RAB20: variants seen among roughly 807,000 people sequenced by gnomAD.
RAB20 encodes RAB20, member RAS oncogene family.
Under a neutral mutation model 3.7 loss-of-function variants are expected in RAB20, and 2 were observed. That is an observed-to-expected ratio of 0.54 (90% CI 0.22 to 1.69). The LOEUF is 1.69. Among genes scored for constraint, RAB20 ranks in the 40% most tolerant of loss-of-function variants. The probability of loss-of-function intolerance (pLI) is 0.19; values close to 1 mark genes in which losing one functional copy is unlikely to be tolerated. For missense variants in RAB20, 276 were observed against 311.9 expected (o/e 0.88, Z 0.87); for synonymous variants, 126 against 130.8 (o/e 0.96, Z 0.25).
At chr13:110,541,816 C>CCCCACACA (rs1555335858) in intron 1 of RAB20, among the ~76,000 whole-genome samples, 4 of 149,420 alleles carry the variant, frequency 2.7e-5, no homozygotes, top group Non-Finnish European at 5.9e-5. Context: ...GAGTGTCCAG[C>CCCCACACA]CACACACACA....
intron 1 of RAB20, among the ~76,000 whole-genome samples, chr13:110,533,023 C>T (rs1036993889): frequency 6.6e-6 from 1 of 151,988 alleles, no homozygotes; most frequent in African/African-American, 2.4e-5. Context: ...CTTGCCAGAT[C>T]GGACAGCCCC....
At chr13:110,538,238 C>CA (rs570075617) in intron 1 of RAB20, among the ~76,000 whole-genome samples, 2,314 of 78,230 alleles carry the variant, frequency 0.03, 37 homozygotes, top group Middle Eastern at 0.051. Context: ...GACCTTGTCT[C>CA]AAAAAAAAAA....
At position 110,561,697 on chromosome 13, in the gene RAB20, G is replaced by A. The variant is rs971320923; in HGVS notation, c.-178C>T. ...CTCAAGAGAGGAAGCGCGTGTGCGC[G>A]CCCGGGAAGGAGCTGGGTGCAGAGC... On this transcript the variant is annotated 5_prime_UTR_variant, in exon 1 of 2. Transcript: ENST00000267328. 8.6e-7 allele frequency: 1 copy of A among 1,156,918 alleles called. No homozygotes were observed. Among genetic ancestry groups the A allele is most frequent in the African/African-American group, 1.6e-5 (1 of 61,578 alleles). 71.7% of individuals were successfully genotyped at this position (1,156,918 alleles called of 1,614,324 possible). A position where few individuals can be genotyped will look rare whatever the true frequency, so the allele number is the denominator to read the frequency against.
chr13:110,531,358 C>T (rs907654383), intron 1 of RAB20, among the ~76,000 whole-genome samples: 5 of 152,222 alleles, frequency 3.3e-5, no homozygotes, highest in African/African-American at 1.2e-4. Flanking sequence ...CAGCCACCTT[C>T]CCAGGAGCTC....
At chr13:110,558,660 G>C (rs1259937246) in intron 1 of RAB20, among the ~76,000 whole-genome samples, 1 of 149,788 alleles carries the variant, frequency 6.7e-6, no homozygotes, top group African/African-American at 2.5e-5. Context: ...GGGATTACAG[G>C]CATGAGCCAC....
intron 1 of RAB20, among the ~76,000 whole-genome samples, chr13:110,526,275 C>A (rs901915726): frequency 6.6e-6 from 1 of 152,242 alleles, no homozygotes; most frequent in Non-Finnish European, 1.5e-5. Flanking sequence ...GGGGCACTGG[C>A]GCAGAGAGAG....
intron 1 of RAB20, among the ~76,000 whole-genome samples, chr13:110,545,391 T>G (rs1884834468): frequency 6.6e-6 from 1 of 152,218 alleles, no homozygotes; most frequent in Non-Finnish European, 1.5e-5. Context: ...GTGCCCATCC[T>G]AGCACCCCCT....
intron 1 of RAB20, among the ~76,000 whole-genome samples, chr13:110,530,241 G>A (rs1472471629): frequency 1.0e-3 from 47 of 47,130 alleles, no homozygotes; most frequent in African/African-American, 4.0e-3. Context: ...CGCAGACACA[G>A]GGCCCCGGGG....
At chr13:110,542,384 C>T (rs1188549386) in intron 1 of RAB20, among the ~76,000 whole-genome samples, 49 of 152,088 alleles carry the variant, frequency 3.2e-4, no homozygotes, top group Admixed American at 3.1e-3. Flanking sequence ...TACTGGTTAA[C>T]TACAGTCACC....
intron 1 of RAB20, among the ~76,000 whole-genome samples, chr13:110,558,380 C>CTTTTTTTTTTTTTT (rs34187531): frequency 8.4e-6 from 1 of 119,364 alleles, no homozygotes; most frequent in Non-Finnish European, 1.7e-5. Context: ...TGTCTTCCCA[C>CTTTTTTTTTTTTTT]TTTTTTTTTT....
intron 1 of RAB20, among the ~76,000 whole-genome samples, chr13:110,558,735 T>G (rs1249751892): frequency 2.3e-5 from 3 of 128,344 alleles, no homozygotes; most frequent in Non-Finnish European, 4.8e-5. Context: ...AGTCTCGCTC[T>G]GTCACCGGGT....
At chr13:110,531,314 T>C (rs1029998550) in intron 1 of RAB20, among the ~76,000 whole-genome samples, 6 of 152,216 alleles carry the variant, frequency 3.9e-5, no homozygotes, top group African/African-American at 9.6e-5. Flanking sequence ...GCCTCCACCC[T>C]GTGATCCCAC....
chr13:110,555,517 C>T lies in RAB20; in HGVS notation c.172+5831G>A, dbSNP rs908402687. 1.3e-5 allele frequency among the ~76,000 whole-genome samples: 2 copies of T among 152,204 alleles called. No homozygotes were observed. The highest frequency in any genetic ancestry group is 4.8e-5 in the African/African-American group (2 of 41,452). ...GCCCATCTCTCTTCCACATCTTTGCCGTCCACCCGTCCTTGGGTTCTGGCA... is the reference window on the plus strand; with the variant it reads ...GCCCATCTCTCTTCCACATCTTTGCTGTCCACCCGTCCTTGGGTTCTGGCA... On this transcript the variant is annotated intron_variant, in intron 1 of 1. Coordinates refer to ENST00000267328, the MANE Select transcript of RAB20 (RefSeq NM_017817.3). The surrounding 1 kb of genome is among the most constrained non-coding windows in gnomAD (Gnocchi z 4.0).
intron 1 of RAB20, among the ~76,000 whole-genome samples, chr13:110,535,136 G>A (rs1884619114): frequency 6.6e-6 from 1 of 152,232 alleles, no homozygotes; most frequent in Non-Finnish European, 1.5e-5. Context: ...GCCCAGCCCA[G>A]GAACATCTTT....
intron 1 of RAB20, among the ~76,000 whole-genome samples, chr13:110,539,392 G>A (rs569290273): frequency 7.2e-5 from 11 of 152,128 alleles, no homozygotes; most frequent in Middle Eastern, 3.4e-3. Flanking sequence ...CCCTGCCCGC[G>A]AAATGAAGCT....
At chr13:110,557,801 C>CG (rs201273046) in intron 1 of RAB20, among the ~76,000 whole-genome samples, 8 of 152,318 alleles carry the variant, frequency 5.3e-5, no homozygotes, top group African/African-American at 9.6e-5. Flanking sequence ...CCCTGCTCCC[C>CG]CCGCCTCCCG....
At chr13:110,526,044 G>A (rs574060816) in intron 1 of RAB20, among the ~76,000 whole-genome samples, 3 of 152,382 alleles carry the variant, frequency 2.0e-5, no homozygotes, top group East Asian at 3.9e-4. Context: ...TGAGACCTGT[G>A]CTCAGACGCC....
intron 1 of RAB20, among the ~76,000 whole-genome samples, chr13:110,542,372 G>T (rs1884778863): frequency 1.3e-5 from 2 of 152,126 alleles, no homozygotes; most frequent in African/African-American, 4.8e-5. Context: ...CCTATCACAT[G>T]GTACTGGTTA....
intron 1 of RAB20, among the ~76,000 whole-genome samples, chr13:110,527,300 G>T (rs1447391671): frequency 6.6e-6 from 1 of 152,018 alleles, no homozygotes; most frequent in Non-Finnish European, 1.5e-5. Flanking sequence ...CTCATGTCCT[G>T]TGAGAAGAGC....
Sources: allele counts gnomAD v4.1 joint callset (sites outside exome capture counted in the v4.1 genomes callset), GRCh38; gene constraint gnomAD v4.1.1; non-coding constraint Gnocchi (gnomAD v3.1); transcripts MANE v1.5; gene names NCBI Gene and HGNC (gene_info 2026-07-23, HGNC 2026-07-21).